Variants in RIN3 observed in about 807,000 individuals in gnomAD.
RIN3 encodes the protein RAB5 interacting protein 3.
A neutral mutation model predicts 76.3 loss-of-function variants in RIN3; 54 were observed. The ratio of observed to expected loss-of-function variants is 0.71; its 90% CI spans 0.57 to 0.89. The LOEUF is 0.89. Ranked by LOEUF, RIN3 falls within the 40% of genes least tolerant of loss-of-function variation. The probability of loss-of-function intolerance (pLI) is 0.00; values close to 1 mark genes in which losing one functional copy is unlikely to be tolerated. For missense variants in RIN3, 1,256 were observed against 1,322.1 expected (o/e 0.95, Z 0.78); for synonymous variants, 576 against 564.0 (o/e 1.02, Z -0.30).
chr14:92,668,094 T>A (rs1305331440), intron 7 of RIN3, among the ~76,000 whole-genome samples: 1 of 152,236 alleles, frequency 6.6e-6, no homozygotes, highest in Non-Finnish European at 1.5e-5. Context: ...CATGTCATCC[T>A]CACAACCACT....
At chr14:92,532,687 G>C (rs1307164937) in intron 1 of RIN3, among the ~76,000 whole-genome samples, 1 of 152,212 alleles carries the variant, frequency 6.6e-6, no homozygotes, top group African/African-American at 2.4e-5. Flanking sequence ...CAGGACAGAG[G>C]CGGGGGTCAC....
At position 92,653,187 on chromosome 14, in the gene RIN3, C is replaced by T. The variant is rs1887538942; in HGVS notation, c.2026+112C>T. ...CAGTGGACGCTGTTGGTGCCCACCC[C>T]CTATCCCTTCCTGGGCACCAGGAAC... On this transcript the variant is annotated intron_variant, in intron 6 of 9. Transcript: ENST00000216487. 4.6e-5 allele frequency: 53 copies of T among 1,143,458 alleles called. No individual in the cohort carries two copies. In the South Asian group the frequency reaches 7.8e-4, roughly 17 times the overall value. 70.8% of individuals were successfully genotyped at this position (1,143,458 alleles called of 1,614,324 possible). A position where few individuals can be genotyped will look rare whatever the true frequency, so the allele number is the denominator to read the frequency against.
intron 3 of RIN3, chr14:92,586,309 A>C (rs2140071107): frequency 6.6e-6 from 1 of 152,362 alleles, no homozygotes; most frequent in Admixed American, 6.5e-5. Context: ...TTCATACCAC[A>C]AAACCCATCG....
At chr14:92,615,600 CAG>C (rs1262310469) in intron 4 of RIN3, 121 bp downstream of exon 4, 2 of 827,670 alleles carry the variant, frequency 2.4e-6, no homozygotes, top group Admixed American at 1.8e-5. Context: ...CCAGAGGATG[CAG>C]AGAGAGGGCA....
intron 4 of RIN3, among the ~76,000 whole-genome samples, chr14:92,632,457 C>G (rs543240153): frequency 2.6e-4 from 40 of 152,328 alleles, no homozygotes; most frequent in African/African-American, 9.4e-4. Context: ...ATCAGACTCC[C>G]TGATCCTTGG....
At chr14:92,613,857 G>C (rs1319732938) in intron 3 of RIN3, among the ~76,000 whole-genome samples, 1 of 152,190 alleles carries the variant, frequency 6.6e-6, no homozygotes, top group South Asian at 2.1e-4. Flanking sequence ...ATGTTTCCTG[G>C]CCCCTCTGGA....
intron 7 of RIN3, among the ~76,000 whole-genome samples, chr14:92,665,048 CATTAGACAATTTCA>C (rs1220609065): frequency 5.9e-5 from 9 of 152,146 alleles, no homozygotes; most frequent in Non-Finnish European, 1.0e-4. Flanking sequence ...AGGAGTGCGT[CATTAGACAATTTCA>C]TTGTTGTGCA....
At chr14:92,517,115 A>G (rs1765558799) in intron 1 of RIN3, among the ~76,000 whole-genome samples, 1 of 152,184 alleles carries the variant, frequency 6.6e-6, no homozygotes, top group Non-Finnish European at 1.5e-5. Context: ...TCCACCTGTC[A>G]TGGCAAGACA....
rs945783761 is a variant in RIN3 at position 92,656,881 on chromosome 14, A to G, written c.2027-2280A>G. On this transcript the variant is annotated intron_variant, in intron 6 of 9. Transcript: ENST00000216487. The surrounding 1 kb of genome is among the most constrained non-coding windows in gnomAD (Gnocchi z 5.2). ...ATGGGCTTGGCTATTGTCATGCCCA[A>G]GAAGCCACAGCTCAGAGAGGTTTGG... Among the ~76,000 whole-genome samples, 3 of 152,244 alleles carry G rather than the reference A, an allele frequency of 2.0e-5. No individual in the cohort carries two copies. Among genetic ancestry groups the G allele is most frequent in the Non-Finnish European group, 4.4e-5 (3 of 68,040 alleles).
intron 4 of RIN3, among the ~76,000 whole-genome samples, chr14:92,629,948 G>T (rs1378459183): frequency 6.6e-6 from 1 of 152,232 alleles, no homozygotes. Context: ...AGGCCTCCTG[G>T]CCCTTGGTAT....
intron 2 of RIN3, among the ~76,000 whole-genome samples, chr14:92,569,630 G>A (rs1378913449): frequency 6.6e-6 from 1 of 151,822 alleles, no homozygotes; most frequent in African/African-American, 2.4e-5. Context: ...GGAGAACAGG[G>A]TCCATGTCCG....
intron 3 of RIN3, among the ~76,000 whole-genome samples, chr14:92,608,102 C>T (rs79596128): frequency 0.13 from 19,474 of 152,132 alleles, 1,532 homozygotes; most frequent in Non-Finnish European, 0.18. Context: ...GGTGACTGTG[C>T]GAAGCTACCT....
chr14:92,546,790 T>C lies in RIN3; in HGVS notation c.45-8961T>C, dbSNP rs566487821. On this transcript the variant is annotated intron_variant, in intron 1 of 9. Coordinates refer to ENST00000216487, the MANE Select transcript of RIN3 (RefSeq NM_024832.5). ...AGCAGTTGGGGTGAGTAGGGCCTGT[T>C]TGGGGGAATGAGATGTCCCTGGTGG... 5.9e-5 allele frequency among the ~76,000 whole-genome samples: 9 copies of C among 152,048 alleles called. No individual in the cohort carries two copies. In the East Asian group the frequency reaches 1.4e-3, roughly 23 times the overall value.
chr14:92,579,225 G>T (rs898571470), intron 3 of RIN3, among the ~76,000 whole-genome samples: 5 of 152,198 alleles, frequency 3.3e-5, no homozygotes, highest in African/African-American at 1.2e-4. Flanking sequence ...ACCGTGCCCG[G>T]CCCTGAGCCA....
intron 1 of RIN3, among the ~76,000 whole-genome samples, chr14:92,532,073 C>T (rs756023767): frequency 3.9e-5 from 6 of 151,928 alleles, no homozygotes; most frequent in Non-Finnish European, 8.8e-5. Context: ...GGACTACAGG[C>T]GCATGCCAGC....
At chr14:92,544,127 CAG>C (rs1277841967) in intron 1 of RIN3, among the ~76,000 whole-genome samples, 10 of 152,198 alleles carry the variant, frequency 6.6e-5, no homozygotes, top group African/African-American at 2.2e-4. Context: ...AGCTGAGTGG[CAG>C]AGTCTCCCTG....
intron 8 of RIN3, among the ~76,000 whole-genome samples, chr14:92,678,663 C>T (rs575264945): frequency 7.1e-6 from 1 of 140,738 alleles, no homozygotes; most frequent in African/African-American, 2.4e-5. Context: ...TCCATCCATC[C>T]ACCCGTCCAC....
intron 6 of RIN3, among the ~76,000 whole-genome samples, chr14:92,657,600 G>A (rs76942173): frequency 0.014 from 2,177 of 152,264 alleles, 56 homozygotes; most frequent in African/African-American, 0.049. Context: ...ACAGGCCCTG[G>A]GAGGGGAAGA....
intron 7 of RIN3, among the ~76,000 whole-genome samples, chr14:92,669,897 G>T (rs575957258): frequency 7.0e-4 from 107 of 151,926 alleles, no homozygotes; most frequent in African/African-American, 2.5e-3. Flanking sequence ...AAAAAAATTT[G>T]CTAGCCCCTC....
Sources: gnomAD v4.1 joint callset for allele counts (sites outside exome capture counted in the v4.1 genomes callset) on GRCh38, gnomAD v4.1.1 for gene constraint, Gnocchi (gnomAD v3.1) non-coding constraint, MANE v1.5 for transcripts, NCBI Gene and HGNC (gene_info 2026-07-23, HGNC 2026-07-21) for gene names.